NOL4L: variants seen among roughly 807,000 people sequenced by gnomAD.
The protein encoded by NOL4L is nucleolar protein 4-like.
A neutral mutation model predicts 64.5 loss-of-function variants in NOL4L; 7 were observed. The observed-to-expected ratio is 0.11, with a 90% CI of 0.06 to 0.20. The LOEUF is 0.20. Ranked by LOEUF, NOL4L falls within the 10% of genes least tolerant of loss-of-function variation. NOL4L has a pLI of 1.00. For synonymous variants in NOL4L, 413 were observed against 401.0 expected (o/e 1.03, Z -0.36); for missense variants, 680 against 967.1 (o/e 0.70, Z 3.94).
chr20:32,482,403 C>G (rs1303118223), intron 4 of NOL4L, among the ~76,000 whole-genome samples: 1 of 152,148 alleles, frequency 6.6e-6, no homozygotes, highest in Non-Finnish European at 1.5e-5. Context: ...CCGGTAGGGG[C>G]GGCCGGACTC....
At chr20:32,543,196 G>A (rs982742298) in intron 1 of NOL4L, among the ~76,000 whole-genome samples, 8 of 152,188 alleles carry the variant, frequency 5.3e-5, no homozygotes, top group Non-Finnish European at 5.9e-5. Flanking sequence ...GTGGGGCTGC[G>A]TGAAGGAAGG....
At chr20:32,450,353 A>AC (rs2012764598) in intron 10 of NOL4L, 1 of 152,386 alleles carries the variant, frequency 6.6e-6, no homozygotes, top group African/African-American at 2.4e-5. Flanking sequence ...CTGCTGGAGG[A>AC]TTTAAACAAT....
At chr20:32,489,998 G>A (rs1384700408) in intron 4 of NOL4L, among the ~76,000 whole-genome samples, 1 of 150,680 alleles carries the variant, frequency 6.6e-6, no homozygotes, top group Non-Finnish European at 1.5e-5. Flanking sequence ...GCGTGGTGGT[G>A]CGTGTCTGTA....
intron 1 of NOL4L, among the ~76,000 whole-genome samples, chr20:32,580,951 G>C (rs915452893): frequency 1.3e-5 from 2 of 152,234 alleles, no homozygotes; most frequent in African/African-American, 4.8e-5. Flanking sequence ...GTTTTACTTT[G>C]TGGCCAATGC....
rs1979117446 is a variant in NOL4L at position 32,562,829 on chromosome 20, G to A, written c.321+21741C>T. Among the ~76,000 whole-genome samples, 2 of 150,046 alleles carry A rather than the reference G, an allele frequency of 1.3e-5. 1 individual carries two copies. Among genetic ancestry groups the A allele is most frequent in the Admixed American group, 1.3e-4 (2 of 15,044 alleles). ...CTTTCCCTGATCACCCCAAGCCACA[G>A]GCTGACAGCCCTTCCACCACGCTGT... On this transcript the variant is annotated intron_variant, in intron 1 of 10. Transcript: ENST00000621426.
chr20:32,566,544 G>A (rs1352908954), intron 1 of NOL4L, among the ~76,000 whole-genome samples: 1 of 152,098 alleles, frequency 6.6e-6, no homozygotes, highest in Non-Finnish European at 1.5e-5. Context: ...GGAGGAGCTG[G>A]GGACACTGGC....
chr20:32,525,103 C>G (rs917923561), intron 2 of NOL4L, among the ~76,000 whole-genome samples: 2 of 152,190 alleles, frequency 1.3e-5, no homozygotes, highest in Admixed American at 1.3e-4. Flanking sequence ...GGCATATGGA[C>G]GAGAAGCCAG....
At chr20:32,564,607 G>C (rs924883562) in intron 1 of NOL4L, among the ~76,000 whole-genome samples, 2 of 152,246 alleles carry the variant, frequency 1.3e-5, no homozygotes, top group Non-Finnish European at 2.9e-5. Context: ...TGGAGTCCCA[G>C]CTCTGCCTCG....
At chr20:32,493,418 G>T (rs540859669) in intron 4 of NOL4L, among the ~76,000 whole-genome samples, 5 of 152,126 alleles carry the variant, frequency 3.3e-5, no homozygotes, top group Non-Finnish European at 7.3e-5. Flanking sequence ...TAGTGTGTGG[G>T]GTCATGTCCA....
rs541779518 is a variant in NOL4L at position 32,498,589 on chromosome 20, C to T, written c.699+12758G>A. Among the ~76,000 whole-genome samples the T allele has an allele frequency of 1.5e-4, 23 of 149,276 alleles. 1 individual carries two copies. The highest frequency in any genetic ancestry group is 1.5e-3 in the Admixed American group (22 of 14,966). ...ACCAGCCTGGGCAACACGTGAAGCCCCATCTCTATAAAAAGTGCAAAAAAT... is the reference window on the plus strand; with the variant it reads ...ACCAGCCTGGGCAACACGTGAAGCCTCATCTCTATAAAAAGTGCAAAAAAT... On this transcript the variant is annotated intron_variant, in intron 4 of 10. Transcript: ENST00000621426.
intron 4 of NOL4L, among the ~76,000 whole-genome samples, chr20:32,484,772 G>A (rs2015981501): frequency 6.6e-6 from 1 of 152,032 alleles, no homozygotes; most frequent in Non-Finnish European, 1.5e-5. Context: ...TCCAGATGCG[G>A]TCCCCCAGGC....
At chr20:32,574,125 C>T (rs1215397286) in intron 1 of NOL4L, among the ~76,000 whole-genome samples, 1 of 152,208 alleles carries the variant, frequency 6.6e-6, no homozygotes, top group African/African-American at 2.4e-5. Context: ...TTGCCCAGAA[C>T]CACACAGCTG....
chr20:32,474,186 G>A (rs2015226127), intron 5 of NOL4L, among the ~76,000 whole-genome samples: 1 of 152,260 alleles, frequency 6.6e-6, no homozygotes, highest in African/African-American at 2.4e-5. Flanking sequence ...CAGGTGACCT[G>A]GGCTATAGCC....
At chr20:32,537,094 G>A (rs1408581172) in intron 1 of NOL4L, 1 of 985,086 alleles carries the variant, frequency 1.0e-6, no homozygotes, top group African/African-American at 1.7e-5. Context: ...TGTCCTTTGT[G>A]CAGGGCGGTA....
At chr20:32,498,590 C>T (rs1386577296) in intron 4 of NOL4L, among the ~76,000 whole-genome samples, 2 of 151,170 alleles carry the variant, frequency 1.3e-5, no homozygotes, top group African/African-American at 4.9e-5. Flanking sequence ...CGTGAAGCCC[C>T]ATCTCTATAA....
intron 5 of NOL4L, among the ~76,000 whole-genome samples, chr20:32,461,235 T>C (rs1259736437): frequency 6.6e-6 from 1 of 152,152 alleles, no homozygotes; most frequent in East Asian, 1.9e-4. Flanking sequence ...CGAGCCCCTA[T>C]GGCTCACCCA....
intron 1 of NOL4L, among the ~76,000 whole-genome samples, chr20:32,577,817 G>A (rs1040130712): frequency 7.2e-5 from 11 of 152,018 alleles, no homozygotes; most frequent in Non-Finnish European, 1.3e-4. Flanking sequence ...ACTCTATGCC[G>A]GGGACTTGGC....
chr20:32,493,301 C>A (rs2016541058), intron 4 of NOL4L, among the ~76,000 whole-genome samples: 1 of 152,170 alleles, frequency 6.6e-6, no homozygotes, highest in South Asian at 2.1e-4. Flanking sequence ...GCACCTTCTG[C>A]CTAGGCCTGC....
At chr20:32,475,082 C>T (rs2015300555) in intron 4 of NOL4L, 2 of 985,358 alleles carry the variant, frequency 2.0e-6, no homozygotes, top group Admixed American at 1.2e-4. Flanking sequence ...GCTGCCGCTC[C>T]CTGCTCTCAG....
Sources: allele counts gnomAD v4.1 joint callset (sites outside exome capture counted in the v4.1 genomes callset), GRCh38; gene constraint gnomAD v4.1.1; transcripts MANE v1.5; gene names NCBI Gene and HGNC (gene_info 2026-07-23, HGNC 2026-07-21).